SOX5: variants seen among roughly 807,000 people sequenced by gnomAD.
The protein encoded by SOX5 is transcription factor SOX-5.
In SOX5, 9 loss-of-function variants were observed where a neutral mutation model predicts 92.0. That is an observed-to-expected ratio of 0.10 (90% CI 0.06 to 0.17). The LOEUF (loss-of-function observed/expected upper bound fraction) is 0.17, where lower values mean the gene tolerates loss of function less well. Ranked by LOEUF, SOX5 falls within the 10% of genes least tolerant of loss-of-function variation. The pLI is 1.00. For synonymous variants in SOX5, 344 were observed against 336.3 expected, an observed-to-expected ratio of 1.02 and a Z score of -0.25; for missense variants, 642 against 944.5, an observed-to-expected ratio of 0.68 and a Z score of 4.20.
At chr12:23,788,274 T>G (rs1200170286) in intron 3 of SOX5, among the ~76,000 whole-genome samples, 1 of 151,958 alleles carries the variant, frequency 6.6e-6, no homozygotes, top group Non-Finnish European at 1.5e-5. Flanking sequence ...TTTAGTACAA[T>G]TGCTAGGGCA....
intron 2 of SOX5, among the ~76,000 whole-genome samples, chr12:23,875,535 G>A (rs1168557029): frequency 6.6e-6 from 1 of 151,900 alleles, no homozygotes; most frequent in East Asian, 1.9e-4. Flanking sequence ...GAAGAAAGGA[G>A]GGGAAGAAAG....
intron 1 of SOX5, among the ~76,000 whole-genome samples, chr12:24,397,260 A>G (rs1031521897): frequency 1.3e-5 from 2 of 152,120 alleles, no homozygotes; most frequent in African/African-American, 4.8e-5. Flanking sequence ...GAGGGAAATG[A>G]AAAAGTAAAT....
At chr12:23,757,396 A>G (rs952719269) in intron 3 of SOX5, among the ~76,000 whole-genome samples, 7 of 151,990 alleles carry the variant, frequency 4.6e-5, no homozygotes, top group Non-Finnish European at 1.0e-4. Flanking sequence ...AGGAGTCATA[A>G]AACAGAGTAA....
At chr12:23,615,257 G>A (rs1009660986) in intron 8 of SOX5, among the ~76,000 whole-genome samples, 2 of 151,806 alleles carry the variant, frequency 1.3e-5, no homozygotes, top group Non-Finnish European at 1.5e-5. Flanking sequence ...GGTAAAATAT[G>A]CATTCAGATC....
At chr12:24,546,920 G>A (rs1952675833) in intron 1 of SOX5, among the ~76,000 whole-genome samples, 1 of 152,108 alleles carries the variant, frequency 6.6e-6, no homozygotes, top group Non-Finnish European at 1.5e-5. Flanking sequence ...TGGAAGGCTT[G>A]GACATAGGCC....
At chr12:23,678,964 A>T (rs1448312507) in intron 6 of SOX5, among the ~76,000 whole-genome samples, 5 of 152,178 alleles carry the variant, frequency 3.3e-5, no homozygotes, top group Admixed American at 2.6e-4. Context: ...AAATGACAAA[A>T]ACCTTGACAC....
At chr12:23,634,736 G>GT (rs1566564131) in intron 8 of SOX5, among the ~76,000 whole-genome samples, 1 of 151,322 alleles carries the variant, frequency 6.6e-6, no homozygotes, top group East Asian at 1.9e-4. Flanking sequence ...AATTCAAACT[G>GT]TTTTTTTCTT....
At chr12:24,104,538 G>T (rs921486214) in intron 4 of SOX5, among the ~76,000 whole-genome samples, 2 of 152,028 alleles carry the variant, frequency 1.3e-5, no homozygotes, top group African/African-American at 4.8e-5. Flanking sequence ...AGTATCTAGG[G>T]CATATAGAGA....
At chr12:24,306,631 G>A (rs910049064) in intron 2 of SOX5, among the ~76,000 whole-genome samples, 1 of 152,174 alleles carries the variant, frequency 6.6e-6, no homozygotes, top group Non-Finnish European at 1.5e-5. Flanking sequence ...GAGAGGCAAC[G>A]CTGAGGCCAC....
chr12:23,900,327 G>A (rs1360004798), intron 1 of SOX5, among the ~76,000 whole-genome samples: 2 of 152,082 alleles, frequency 1.3e-5, no homozygotes, highest in Non-Finnish European at 2.9e-5. Context: ...CTTGATAAAT[G>A]TGACAGTAAA....
Position 23,543,164 on chromosome 12 carries a change from C to G in SOX5, c.1771+47G>C, listed in dbSNP as rs1276653403. Reference sequence around the variant, plus strand: ...CCTTCCACAACTGCAGAAAACAGAACAGTACCTTTATTCCATACGTCACTT... The same window carrying G: ...CCTTCCACAACTGCAGAAAACAGAAGAGTACCTTTATTCCATACGTCACTT... On this transcript the variant is annotated intron_variant, in intron 13 of 14. Coordinates refer to ENST00000451604, the MANE Select transcript of SOX5 (RefSeq NM_006940.6). 4.6e-6 allele frequency: 7 copies of G among 1,515,280 alleles called. No individual in the cohort carries two copies. In the African/African-American group the frequency reaches 9.6e-5, roughly 21 times the overall value. The allele number at this position is 1,515,280 out of a possible 1,614,324, so 93.9% of individuals were successfully genotyped here.
At chr12:24,482,357 T>C (rs1946081930) in intron 1 of SOX5, among the ~76,000 whole-genome samples, 1 of 152,208 alleles carries the variant, frequency 6.6e-6, no homozygotes, top group Non-Finnish European at 1.5e-5. Flanking sequence ...CAGGACATCT[T>C]TCATTTGGCA....
chr12:24,055,653 A>T (rs1219910002), intron 4 of SOX5, among the ~76,000 whole-genome samples: 1 of 152,246 alleles, frequency 6.6e-6, no homozygotes, highest in Non-Finnish European at 1.5e-5. Flanking sequence ...AAGACATAAG[A>T]TTCTTTCAAA....
chr12:24,193,676 T>C (rs1420266563), intron 4 of SOX5, among the ~76,000 whole-genome samples: 2 of 152,236 alleles, frequency 1.3e-5, no homozygotes, highest in African/African-American at 2.4e-5. Flanking sequence ...TAGATGGTTA[T>C]TGTTTAATCT....
intron 1 of SOX5, among the ~76,000 whole-genome samples, chr12:23,912,347 T>A (rs1285898974): frequency 2.0e-5 from 3 of 152,086 alleles, no homozygotes; most frequent in Non-Finnish European, 4.4e-5. Context: ...GGACAGACAA[T>A]AACAAATGTT....
At chr12:23,986,705 GTCAAGTAGGGGTTGTACCAGATTT>G (rs1950096101) in intron 4 of SOX5, among the ~76,000 whole-genome samples, 2 of 152,156 alleles carry the variant, frequency 1.3e-5, no homozygotes, top group South Asian at 4.1e-4. Flanking sequence ...CAATGGTAAT[GTCAAGTAGGGGTTGTACCAGATTT>G]TCAAAGTTCT....
At chr12:24,212,949 G>T (rs1458550189) in intron 4 of SOX5, among the ~76,000 whole-genome samples, 1 of 151,948 alleles carries the variant, frequency 6.6e-6, no homozygotes, top group Non-Finnish European at 1.5e-5. Context: ...TCATGACCTG[G>T]GTGCTCCTCC....
chr12:23,614,486 G>A (rs2076321514), intron 8 of SOX5, among the ~76,000 whole-genome samples: 1 of 152,208 alleles, frequency 6.6e-6, no homozygotes. Context: ...GGTGCAGCAT[G>A]TATCAGTAGC....
chr12:23,822,566 T>C (rs1051129838), intron 3 of SOX5, among the ~76,000 whole-genome samples: 1 of 152,112 alleles, frequency 6.6e-6, no homozygotes, highest in Admixed American at 6.6e-5. Flanking sequence ...GAATAACTGC[T>C]ATGAAGTGCT....
Sources: allele counts gnomAD v4.1 joint callset (sites outside exome capture counted in the v4.1 genomes callset), GRCh38; gene constraint gnomAD v4.1.1; transcripts MANE v1.5; gene names NCBI Gene and HGNC (gene_info 2026-07-23, HGNC 2026-07-21).